VWA8: variants seen among roughly 807,000 people sequenced by gnomAD.
The protein encoded by VWA8 is von Willebrand factor A domain containing 8, also known as von Willebrand factor A domain-containing protein 8.
In VWA8, 221 loss-of-function variants were observed where a neutral mutation model predicts 241.5. The observed-to-expected ratio is 0.91, with a 90% CI of 0.82 to 1.02. VWA8 has a LOEUF of 1.02. Among genes scored for constraint, VWA8 ranks in the 50% least tolerant of loss-of-function variants. The pLI, the probability that VWA8 is intolerant of heterozygous loss-of-function variation, is 0.00. For synonymous variants in VWA8, 852 were observed against 827.1 expected (o/e 1.03, Z -0.52); for missense variants, 2,322 against 2,328.7 (o/e 1.00, Z 0.06).
At chr13:41,693,033 G>A in intron 29 of VWA8, 61 bp from the exon 30 acceptor site, 2 of 1,061,376 alleles carry the variant, frequency 1.9e-6, no homozygotes, top group Non-Finnish European at 2.7e-6. Flanking sequence ...TTTTTTTAAA[G>A]CAGCAACCTC....
intron 34 of VWA8, among the ~76,000 whole-genome samples, chr13:41,686,057 G>A (rs1222122320): frequency 2.0e-5 from 3 of 152,104 alleles, no homozygotes; most frequent in Non-Finnish European, 1.5e-5. Context: ...CACATGTATA[G>A]TTTATTGTCC....
intron 19 of VWA8, among the ~76,000 whole-genome samples, chr13:41,780,289 A>G (rs548648707): frequency 1.3e-5 from 2 of 152,284 alleles, no homozygotes; most frequent in African/African-American, 4.8e-5. Context: ...CCAATCTTCA[A>G]CAGCAAAACT....
chr13:41,844,622 A>G (rs904100340), intron 12 of VWA8, among the ~76,000 whole-genome samples: 1 of 152,160 alleles, frequency 6.6e-6, no homozygotes, highest in Non-Finnish European at 1.5e-5. Context: ...CTGCTAGAAC[A>G]GATGTCAGTA....
intron 21 of VWA8, among the ~76,000 whole-genome samples, chr13:41,754,416 T>C (rs1332548584): frequency 6.6e-6 from 1 of 152,144 alleles, no homozygotes; most frequent in Non-Finnish European, 1.5e-5. Flanking sequence ...AATAAACCTG[T>C]AAATTGCCCA....
At chr13:41,688,724 G>C (rs996461201) in intron 34 of VWA8, among the ~76,000 whole-genome samples, 18 of 152,030 alleles carry the variant, frequency 1.2e-4, no homozygotes, top group African/African-American at 4.1e-4. Flanking sequence ...CTTTACACAG[G>C]AACAAAAAAC....
At chr13:41,775,521 C>A (rs920122031) in intron 20 of VWA8, among the ~76,000 whole-genome samples, 4 of 152,186 alleles carry the variant, frequency 2.6e-5, no homozygotes, top group African/African-American at 9.7e-5. Context: ...TCGTGGGGAT[C>A]TTCAACTTGA....
chr13:41,858,059 A>G (rs764555256), intron 12 of VWA8, among the ~76,000 whole-genome samples: 1 of 152,116 alleles, frequency 6.6e-6, no homozygotes, highest in Non-Finnish European at 1.5e-5. Context: ...CAGCCCTTCA[A>G]GGCTTCTCTT....
At chr13:41,817,258 T>G (rs534638940) in intron 15 of VWA8, among the ~76,000 whole-genome samples, 2 of 152,344 alleles carry the variant, frequency 1.3e-5, no homozygotes, top group East Asian at 3.9e-4. Context: ...ATACTTAAGG[T>G]GTCCATTTTT....
intron 17 of VWA8, among the ~76,000 whole-genome samples, chr13:41,795,384 G>A (rs1188230980): frequency 4.6e-5 from 7 of 152,196 alleles, no homozygotes; most frequent in African/African-American, 1.7e-4. Context: ...GGAAGACAAT[G>A]TGATGATTCC....
rs560632598 is a variant in VWA8 at position 41,910,599 on chromosome 13, A to C, written c.372+1439T>G. Among the ~76,000 whole-genome samples the C allele has an allele frequency of 1.5e-3, 235 of 152,078 alleles. 1 individual carries two copies. The highest frequency in any genetic ancestry group is 5.3e-3 in the African/African-American group (219 of 41,478). ...ACTCCATCTCAAAAAAAACAAAAAAAAAAAACAACAACAAAAATGGCTCTA... is the reference window on the plus strand; with the variant it reads ...ACTCCATCTCAAAAAAAACAAAAAACAAAAACAACAACAAAAATGGCTCTA... On this transcript the variant is annotated intron_variant, in intron 3 of 44. Transcript: ENST00000379310.
intron 36 of VWA8, 90 bp downstream of exon 36, chr13:41,675,124 CA>C (rs1434181110): frequency 1.2e-6 from 1 of 834,772 alleles, no homozygotes; most frequent in Non-Finnish European, 1.8e-6. Context: ...TTTAAAGAAG[CA>C]AAAAAGTACT....
chr13:41,870,764 G>GACGTC (rs1273471187), intron 9 of VWA8, among the ~76,000 whole-genome samples: 1 of 152,094 alleles, frequency 6.6e-6, no homozygotes, highest in African/African-American at 2.4e-5. Context: ...ATACAGGAGT[G>GACGTC]ACGTCAGAGG....
chr13:41,769,746 T>C (rs2045805463), intron 20 of VWA8, among the ~76,000 whole-genome samples: 1 of 152,220 alleles, frequency 6.6e-6, no homozygotes, highest in Non-Finnish European at 1.5e-5. Flanking sequence ...TGAACTGGTC[T>C]GCTTATTCGT....
At chr13:41,780,574 C>G (rs1236925804) in intron 19 of VWA8, among the ~76,000 whole-genome samples, 1 of 152,138 alleles carries the variant, frequency 6.6e-6, no homozygotes, top group African/African-American at 2.4e-5. Flanking sequence ...TCTACCCTTT[C>G]TTTTCCATCC....
intron 37 of VWA8, among the ~76,000 whole-genome samples, chr13:41,664,544 G>C (rs532480983): frequency 1.3e-5 from 2 of 152,078 alleles, no homozygotes; most frequent in East Asian, 1.9e-4. Flanking sequence ...TTATCTTCTT[G>C]TTGTATGGTT....
At chr13:41,793,867 A>T (rs182505750) in intron 17 of VWA8, among the ~76,000 whole-genome samples, 1 of 152,218 alleles carries the variant, frequency 6.6e-6, no homozygotes, top group East Asian at 1.9e-4. Context: ...GTGGCTAGCC[A>T]GTTCTCCCAG....
At position 41,887,319 on chromosome 13, in the gene VWA8, C is replaced by T. The variant is rs766637826; in HGVS notation, c.694G>A (p.Val232Ile). The change falls in exon 6 of 45, where the codon GTT becomes ATT. Residue 232 changes from valine (V) to isoleucine (I), a missense_variant. Val to Ile is a conservative substitution (Grantham distance 29, BLOSUM62 3). Coordinates refer to ENST00000379310, the MANE Select transcript of VWA8 (RefSeq NM_015058.2). The part of the protein sequence containing the change: ...KELDSWKIVR[V>I]SENFRVIALG... ...GCAATCACTCGGAAATTTTCACTAA[C>T]TCGGACAATTTTCCAAGAATCCAAC... 47 of 1,613,062 alleles carry T rather than the reference C, an allele frequency of 2.9e-5. No homozygotes were observed. The highest frequency in any genetic ancestry group is 3.9e-5 in the Non-Finnish European group (46 of 1,179,674).
chr13:41,900,283 C>G (rs1202695841), intron 4 of VWA8, among the ~76,000 whole-genome samples: 1 of 151,894 alleles, frequency 6.6e-6, no homozygotes, highest in Non-Finnish European at 1.5e-5. Context: ...TAAAAAGGAG[C>G]AATATATGTA....
At chr13:41,784,038 G>A (rs570499547) in intron 18 of VWA8, 137 bp from the exon 19 acceptor site, 2 of 630,666 alleles carry the variant, frequency 3.2e-6, no homozygotes, top group South Asian at 1.9e-5. Context: ...AAGCTGGAGA[G>A]TAGTAATAAA....
Sources: gnomAD v4.1 joint callset for allele counts (sites outside exome capture counted in the v4.1 genomes callset) on GRCh38, gnomAD v4.1.1 for gene constraint, MANE v1.5 for transcripts, NCBI Gene and HGNC (gene_info 2026-07-23, HGNC 2026-07-21) for gene names.